HNRNPU: variants seen among roughly 807,000 people sequenced by gnomAD.
The protein encoded by HNRNPU is heterogeneous nuclear ribonucleoprotein U, also known as HNRNPU antisense RNA 1.
In HNRNPU, 5 loss-of-function variants were observed where a neutral mutation model predicts 94.7. The observed-to-expected ratio is 0.05, with a 90% CI of 0.03 to 0.11. The LOEUF (loss-of-function observed/expected upper bound fraction) is 0.11. Among genes scored for constraint, HNRNPU ranks in the 10% least tolerant of loss-of-function variants. The pLI is 1.00. For missense variants in HNRNPU, 710 were observed against 1,049.2 expected (o/e 0.68, Z 4.47); for synonymous variants, 434 against 381.6 (o/e 1.14, Z -1.60).
chr1:244,863,335 C>T (rs966060517), intron 1 of HNRNPU, among the ~76,000 whole-genome samples: 23 of 150,568 alleles, frequency 1.5e-4, no homozygotes, highest in Non-Finnish European at 3.0e-4. Context: ...CCTCCCCCTA[C>T]AGCGGCAGCT....
At position 244,853,019 on chromosome 1, in the gene HNRNPU, CATG is replaced by C. The variant is rs1394290258; in HGVS notation, c.*1428_*1430del. The C allele has an allele frequency of 6.6e-6, 1 of 152,562 alleles. No individual in the cohort carries two copies. The highest frequency in any genetic ancestry group is 1.5e-5 in the Non-Finnish European group (1 of 68,008). The allele number at this position is 152,562 out of a possible 1,614,324, so 9.5% of individuals were successfully genotyped here. A position where few individuals can be genotyped will look rare whatever the true frequency, so the allele number is the denominator to read the frequency against. On this transcript the variant is annotated 3_prime_UTR_variant, in exon 14 of 14. Coordinates refer to ENST00000640218, the MANE Select transcript of HNRNPU (RefSeq NM_031844.3). ...AGCAGTGACATCAATGACTGGCTTG[CATG>C]ATGGCTTCTAAAAGCATCTGATCCC...
Position 244,851,700 on chromosome 1 carries a change from T to C in HNRNPU, c.*2750A>G, listed in dbSNP as rs1216064371. The C allele has an allele frequency of 6.6e-6, 1 of 152,240 alleles. No homozygotes were observed. The highest frequency in any genetic ancestry group is 1.5e-5 in the Non-Finnish European group (1 of 68,042). 9.4% of individuals were successfully genotyped at this position (152,240 alleles called of 1,614,324 possible). A position where few individuals can be genotyped will look rare whatever the true frequency, so the allele number is the denominator to read the frequency against. ...TAAGAGTTTCCTCTTGTCATTTCAA[T>C]GTCAAATTGATTTGACTCAATTTCA... is the stretch of plus-strand genomic sequence containing the variant. On this transcript the variant is annotated 3_prime_UTR_variant, in exon 14 of 14. Coordinates refer to ENST00000640218, the MANE Select transcript of HNRNPU (RefSeq NM_031844.3).
chr1:244,854,893 C>T, intron 13 of HNRNPU, 80 bp downstream of exon 13: 1 of 1,140,550 alleles, frequency 8.8e-7, no homozygotes, highest in Non-Finnish European at 1.3e-6. Flanking sequence ...AATCCCTGAA[C>T]AAGATCTTTT....
At chr1:244,856,392 A>G (rs1680682082) in intron 10 of HNRNPU, 65 bp downstream of exon 10, 8 of 1,489,260 alleles carry the variant, frequency 5.4e-6, no homozygotes, top group Admixed American at 2.0e-5. Context: ...CACAAGCAGA[A>G]TATGTAGGAA....
chr1:244,862,421 T>G, intron 3 of HNRNPU, 40 bp downstream of exon 3: 1 of 779,916 alleles, frequency 1.3e-6, no homozygotes, highest in Non-Finnish European at 2.1e-6. Flanking sequence ...AAAACCACCA[T>G]CACCGCATTT....
intron 6 of HNRNPU, 72 bp from the exon 7 acceptor site, chr1:244,858,346 TTA>T: frequency 1.4e-6 from 2 of 1,401,556 alleles, no homozygotes; most frequent in Non-Finnish European, 2.0e-6. Context: ...AGAATTAAAA[TTA>T]GGAGCAAAGC....
At chr1:244,861,641 C>A (rs575201239) in intron 3 of HNRNPU, 1 of 151,706 alleles carries the variant, frequency 6.6e-6, no homozygotes, top group Non-Finnish European at 1.5e-5. Context: ...AGGCTGACAC[C>A]ATAGCTGATA....
intron 12 of HNRNPU, 80 bp downstream of exon 12, chr1:244,855,344 G>A: frequency 7.5e-7 from 1 of 1,328,450 alleles, no homozygotes; most frequent in South Asian, 1.3e-5. Flanking sequence ...GGATTACTAA[G>A]ACACCCCAAC....
At position 244,864,506 on chromosome 1, in the gene HNRNPU, G is replaced by C. The variant is rs1002262064; in HGVS notation, c.-199C>G. 1 of 886,526 alleles carries C rather than the reference G, an allele frequency of 1.1e-6. No individual in the cohort carries two copies. The highest frequency in any genetic ancestry group is 1.6e-6 in the Non-Finnish European group (1 of 613,718). 54.9% of individuals were successfully genotyped at this position (886,526 alleles called of 1,614,324 possible). A position where few individuals can be genotyped will look rare whatever the true frequency, so the allele number is the denominator to read the frequency against. On this transcript the variant is annotated 5_prime_UTR_variant, in exon 1 of 14. Transcript: ENST00000640218. ...TTCACCGAGTTCGCGAGGGAGACGCGGAGACTCGCCTGGCGCGAGCGAGCA... is the reference window on the plus strand; with the variant it reads ...TTCACCGAGTTCGCGAGGGAGACGCCGAGACTCGCCTGGCGCGAGCGAGCA...
Position 244,859,339 on chromosome 1 carries a change from T to C in HNRNPU, c.1053A>G (p.Thr351=), listed in dbSNP as rs2102987473. The C allele has an allele frequency of 6.3e-7, 1 of 1,587,438 alleles. No individual in the cohort carries two copies. Among genetic ancestry groups the C allele is most frequent in the Non-Finnish European group, 8.6e-7 (1 of 1,156,280 alleles). ...TEKIPVRHLY[T]KDIDIHEVRI... ...GAACTTCATGTATGTCAATATCTTT[T>C]GTATATAAATGCCTTACTGGGATCT... is the stretch of plus-strand genomic sequence containing the variant. The change falls in exon 5 of 14, where the codon ACA becomes ACG. Residue 351 remains threonine (T), a synonymous_variant. Coordinates refer to ENST00000640218, the MANE Select transcript of HNRNPU (RefSeq NM_031844.3).
intron 3 of HNRNPU, chr1:244,860,872 G>A (rs991562543): frequency 3.7e-5 from 8 of 214,686 alleles, no homozygotes; most frequent in South Asian, 1.7e-4. Flanking sequence ...AAACTGAAGG[G>A]AGGCCACGAC....
At chr1:244,858,427 T>C in intron 6 of HNRNPU, 153 bp from the exon 7 acceptor site, 1 of 671,126 alleles carries the variant, frequency 1.5e-6, no homozygotes, top group Non-Finnish European at 2.5e-6. Context: ...TTAAGAAATC[T>C]GATGGTTGTA....
rs756595855 is a variant in HNRNPU, at chr1:244,858,707, TAG to T, written c.1230+20_1230+21del. The T allele has an allele frequency of 1.5e-6, 2 of 1,313,226 alleles. No homozygotes were observed. Among genetic ancestry groups the T allele is most frequent in the Non-Finnish European group, 1.1e-6 (1 of 909,574 alleles). The allele number at this position is 1,313,226 out of a possible 1,614,324, so 81.3% of individuals were successfully genotyped here. A position where few individuals can be genotyped will look rare whatever the true frequency, so the allele number is the denominator to read the frequency against. On this transcript the variant is annotated intron_variant, in intron 6 of 13. Coordinates refer to ENST00000640218, the MANE Select transcript of HNRNPU (RefSeq NM_031844.3). Reference sequence around the variant, plus strand: ...AGCTACTAACTTTGCCATTTATACATAGAAAGTTAGCTTTAACTTACAGCAAA... The same window carrying T: ...AGCTACTAACTTTGCCATTTATACATAAAGTTAGCTTTAACTTACAGCAAA...
At chr1:244,857,986 A>G (rs2102986570) in intron 7 of HNRNPU, 25 bp downstream of exon 7, 2 of 1,565,422 alleles carry the variant, frequency 1.3e-6, no homozygotes, top group Middle Eastern at 1.7e-4. Context: ...CAAATGCCAC[A>G]GTTAAAAAAA....
chr1:244,853,237 T>C lies in HNRNPU; in HGVS notation c.*1213A>G, dbSNP rs1041068522. On this transcript the variant is annotated 3_prime_UTR_variant, in exon 14 of 14. Transcript: ENST00000640218. ...ACTTTACTTCATAATTATGTATCAA[T>C]TGTCAGTATACATTTAAGTTTTTAA... 6.6e-6 allele frequency: 1 copy of C among 152,546 alleles called. No homozygotes were observed. Among genetic ancestry groups the C allele is most frequent in the African/African-American group, 2.4e-5 (1 of 41,426 alleles). The allele number at this position is 152,546 out of a possible 1,614,324, so 9.4% of individuals were successfully genotyped here. A position where few individuals can be genotyped will look rare whatever the true frequency, so the allele number is the denominator to read the frequency against.
Position 244,864,284 on chromosome 1 carries a change from T to C in HNRNPU, c.24A>G (p.Val8=). MSSSPVN[V]KKLKVSELKE... is the part of the protein sequence containing the mutation. ...TCAGCTCCGACACCTTCAGCTTTTT[T>C]ACATTAACAGGCGAGGAACTCATGG... Residue 8 remains valine (V), a synonymous_variant, in exon 1 of 14, where the codon GTA becomes GTG. Transcript: ENST00000640218. The C allele has an allele frequency of 1.2e-6, 2 of 1,613,164 alleles. No individual in the cohort carries two copies. The highest frequency in any genetic ancestry group is 1.1e-5 in the South Asian group (1 of 91,074).
intron 12 of HNRNPU, 118 bp from the exon 13 acceptor site, chr1:244,855,162 A>T: frequency 1.3e-6 from 1 of 779,112 alleles, no homozygotes; most frequent in Non-Finnish European, 2.2e-6. Flanking sequence ...GGTAGCAAGC[A>T]ATACACAAAT....
rs1337979171 is a variant in HNRNPU, at chr1:244,854,222, TTC to T, written c.*226_*227del. 3 of 443,730 alleles carry T rather than the reference TTC, an allele frequency of 6.8e-6. No homozygotes were observed. The highest frequency in any genetic ancestry group is 4.1e-5 in the East Asian group (1 of 24,396). The allele number at this position is 443,730 out of a possible 1,614,324, so 27.5% of individuals were successfully genotyped here. Reference sequence around the variant, plus strand: ...TGTAGAACCCTGAAATACTGACACATTCTCTTATCGTGCACAATGCTGAGGTT... The same window carrying T: ...TGTAGAACCCTGAAATACTGACACATTCTTATCGTGCACAATGCTGAGGTT... On this transcript the variant is annotated 3_prime_UTR_variant, in exon 14 of 14. Transcript: ENST00000640218.
Position 244,855,544 on chromosome 1 carries a change from T to A in HNRNPU, c.2232A>T (p.Gly744=), listed in dbSNP as rs140418963. The A allele has an allele frequency of 6.2e-7, 1 of 1,613,934 alleles. No homozygotes were observed. The highest frequency in any genetic ancestry group is 8.5e-7 in the Non-Finnish European group (1 of 1,179,914). ...GNMPQRGGGG[G]GSGGIGYPYP... is the part of the protein sequence containing the mutation. ...ATGGATAGCCGATTCCACCACTTCC[T>A]CCACCGCCACCACCTCTCTGTGGCA... The change falls in exon 12 of 14, where the codon GGA becomes GGT. Residue 744 remains glycine (G), a synonymous_variant. Coordinates refer to ENST00000640218, the MANE Select transcript of HNRNPU (RefSeq NM_031844.3).
Sources: allele counts gnomAD v4.1 joint callset (sites outside exome capture counted in the v4.1 genomes callset), GRCh38; gene constraint gnomAD v4.1.1; transcripts MANE v1.5; gene names NCBI Gene and HGNC (gene_info 2026-07-23, HGNC 2026-07-21).